INPP5D: variants seen among roughly 807,000 people sequenced by gnomAD.
INPP5D encodes inositol polyphosphate-5-phosphatase D.
Under a neutral mutation model 122.9 loss-of-function variants are expected in INPP5D, and 33 were observed. The observed-to-expected ratio is 0.27, with a 90% CI of 0.20 to 0.36. INPP5D has a LOEUF of 0.36. INPP5D is among the 10% of genes least tolerant of loss of function. The probability of loss-of-function intolerance (pLI) is 1.00; values close to 1 mark genes in which losing one functional copy is unlikely to be tolerated. For missense variants in INPP5D, 1,053 were observed against 1,412.7 expected, an observed-to-expected ratio of 0.75 and a Z score of 4.08; for synonymous variants, 584 against 576.2, an observed-to-expected ratio of 1.01 and a Z score of -0.19.
intron 9 of INPP5D, among the ~76,000 whole-genome samples, chr2:233,155,219 TAAG>T (rs1694017908): frequency 6.6e-6 from 1 of 151,930 alleles, no homozygotes; most frequent in East Asian, 1.9e-4. Flanking sequence ...TTAAAAAAAA[TAAG>T]AACCCAATGG....
Position 233,159,167 on chromosome 2 carries a change from G to A in INPP5D, c.1137+748G>A, listed in dbSNP as rs576354499. On this transcript the variant is annotated intron_variant, in intron 10 of 26. Coordinates refer to ENST00000445964, the MANE Select transcript of INPP5D (RefSeq NM_001017915.3). ...CTGCAGAAGTGAGATGCCCCTGCCA[G>A]GATGGGTTCCTGGGGTAAGAGGTGC... 1.0e-3 allele frequency among the ~76,000 whole-genome samples: 154 copies of A among 152,318 alleles called. 1 individual carries two copies. Among genetic ancestry groups the A allele is most frequent in the African/African-American group, 3.6e-3 (148 of 41,578 alleles).
At chr2:233,195,284 G>A in intron 23 of INPP5D, 115 bp from the exon 24 acceptor site, 1 of 1,508,536 alleles carries the variant, frequency 6.6e-7, no homozygotes, top group Non-Finnish European at 9.0e-7. Context: ...ACCTCTCCAG[G>A]TACTCACTAT....
intron 5 of INPP5D, among the ~76,000 whole-genome samples, 189 bp from the exon 6 acceptor site, chr2:233,139,653 G>A (rs970615721): frequency 4.6e-5 from 7 of 152,210 alleles, no homozygotes; most frequent in Non-Finnish European, 8.8e-5. Context: ...GTTCGCTGTG[G>A]GTTGGGAAGG....
intron 19 of INPP5D, among the ~76,000 whole-genome samples, chr2:233,182,859 A>T (rs1025606428): frequency 1.3e-5 from 2 of 152,188 alleles, no homozygotes; most frequent in African/African-American, 4.8e-5. Context: ...TTGTTTTAAC[A>T]TGTTTTACAT....
At chr2:233,075,505 T>TTGTG (rs10602751) in intron 1 of INPP5D, among the ~76,000 whole-genome samples, 5 of 151,614 alleles carry the variant, frequency 3.3e-5, no homozygotes, top group Admixed American at 2.6e-4. Flanking sequence ...ATGCAAGATA[T>TTGTG]TGTGTGTGTG....
At chr2:233,143,542 A>G (rs1693672372) in intron 6 of INPP5D, among the ~76,000 whole-genome samples, 1 of 152,198 alleles carries the variant, frequency 6.6e-6, no homozygotes, top group African/African-American at 2.4e-5. Flanking sequence ...TTCTCAACCA[A>G]CAGGCAGCCA....
intron 23 of INPP5D, among the ~76,000 whole-genome samples, chr2:233,194,805 T>A (rs1000969095): frequency 1.3e-5 from 2 of 151,534 alleles, no homozygotes; most frequent in African/African-American, 4.9e-5. Flanking sequence ...CCTTTTTTTT[T>A]CTTTCTTTCT....
At chr2:233,120,113 G>A (rs1475604280) in intron 2 of INPP5D, among the ~76,000 whole-genome samples, 1 of 152,228 alleles carries the variant, frequency 6.6e-6, no homozygotes, top group East Asian at 1.9e-4. Flanking sequence ...AAAGAAGGTA[G>A]CTGGCAGCCC....
At chr2:233,126,967 G>T (rs1048038303) in intron 4 of INPP5D, among the ~76,000 whole-genome samples, 5 of 152,020 alleles carry the variant, frequency 3.3e-5, no homozygotes, top group Non-Finnish European at 7.4e-5. Context: ...GTTCCCCAGG[G>T]TTTCCATTTC....
intron 2 of INPP5D, among the ~76,000 whole-genome samples, chr2:233,114,469 C>T (rs933435806): frequency 6.6e-6 from 1 of 152,230 alleles, no homozygotes; most frequent in Non-Finnish European, 1.5e-5. Context: ...AAGAGCTGGA[C>T]AGGAGGCTGC....
intron 2 of INPP5D, among the ~76,000 whole-genome samples, chr2:233,081,774 G>A (rs1691696614): frequency 6.6e-6 from 1 of 152,054 alleles, no homozygotes; most frequent in African/African-American, 2.4e-5. Context: ...CATGGGGTCT[G>A]CACGCAGCTT....
At chr2:233,199,079 G>A (rs544944935) in intron 25 of INPP5D, among the ~76,000 whole-genome samples, 6 of 151,458 alleles carry the variant, frequency 4.0e-5, no homozygotes, top group Admixed American at 6.6e-5. Flanking sequence ...GTGAAACCCC[G>A]TCTCTACTGA....
At chr2:233,169,691 C>T (rs1694439873) in intron 14 of INPP5D, 1 of 569,926 alleles carries the variant, frequency 1.8e-6, no homozygotes, top group Non-Finnish European at 3.0e-6. Context: ...TCTGGGGCCT[C>T]CTTACAAATC....
chr2:233,189,988 G>T lies in INPP5D; in HGVS notation c.2446+51G>T, dbSNP rs1437439053. ...ACCTGCCTGTGAACTGGCGGCCTCTGACGTAGCATTGCCTTCAGGGGAGCT... is the reference window on the plus strand; with the variant it reads ...ACCTGCCTGTGAACTGGCGGCCTCTTACGTAGCATTGCCTTCAGGGGAGCT... On this transcript the variant is annotated intron_variant, in intron 22 of 26. Transcript: ENST00000445964. The surrounding 1 kb of genome is among the most constrained non-coding windows in gnomAD (Gnocchi z 5.6). The T allele has an allele frequency of 2.5e-6, 4 of 1,600,162 alleles. No homozygotes were observed. The African/African-American group carries it at 5.4e-5, about 21-fold the overall frequency.
intron 22 of INPP5D, 142 bp downstream of exon 22, chr2:233,190,079 C>T (rs140644624): frequency 2.6e-5 from 35 of 1,333,770 alleles, no homozygotes; most frequent in Admixed American, 2.0e-4. Flanking sequence ...CTAGTGGGAC[C>T]GTCACCACTA....
In INPP5D at chr2:233,198,178, C is replaced by T; in HGVS notation, c.2777C>T (p.Pro926Leu). The change falls in exon 25 of 27, where the codon CCC becomes CTC. Residue 926 changes from proline (P) to leucine (L), a missense_variant. Physicochemically the swap from Pro to Leu is moderately conservative, Grantham distance 98. Around this residue, in one of 6 missense-constraint regions of INPP5D, gnomAD observed 417 missense variants for 425.8 expected, o/e 0.98. Coordinates refer to ENST00000445964, the MANE Select transcript of INPP5D (RefSeq NM_001017915.3). The stretch of plus-strand genomic sequence containing the variant: ...GTGGGGCCCTTTGGGCCACCAATGC[C>T]CCTGCACGTGAAGCAGACCTTGTCC... ...MGVGPFGPPMPLHVKQTLSPD... is the reference protein window; with the variant it reads ...MGVGPFGPPMLLHVKQTLSPD... The T allele has an allele frequency of 6.2e-7, 1 of 1,613,588 alleles. No homozygotes were observed. Among genetic ancestry groups the T allele is most frequent in the Non-Finnish European group, 8.5e-7 (1 of 1,179,892 alleles).
At chr2:233,124,904 C>T (rs538568701) in intron 3 of INPP5D, among the ~76,000 whole-genome samples, 4 of 152,372 alleles carry the variant, frequency 2.6e-5, no homozygotes, top group African/African-American at 9.6e-5. Flanking sequence ...GGCCCAGGGC[C>T]TCTTGAGGCA....
At chr2:233,139,705 G>C in intron 5 of INPP5D, 137 bp from the exon 6 acceptor site, 1 of 391,204 alleles carries the variant, frequency 2.6e-6, no homozygotes, top group Non-Finnish European at 4.5e-6. Flanking sequence ...CTTTGCCCGG[G>C]CTTGTCCTTC....
intron 2 of INPP5D, among the ~76,000 whole-genome samples, chr2:233,113,774 T>C (rs182638922): frequency 6.6e-4 from 101 of 152,322 alleles, no homozygotes; most frequent in African/African-American, 2.4e-3. Context: ...ATCTCCCTAA[T>C]TCAAGCACTA....
Sources: gnomAD v4.1 joint callset for allele counts (sites outside exome capture counted in the v4.1 genomes callset) on GRCh38, gnomAD v4.1.1 for gene constraint, gnomAD v4.1.1 regional missense constraint, Gnocchi (gnomAD v3.1) non-coding constraint, MANE v1.5 for transcripts, NCBI Gene and HGNC (gene_info 2026-07-23, HGNC 2026-07-21) for gene names.